The following DOCK1 variants were observed in gnomAD, a reference collection of about 807,000 sequenced individuals.
DOCK1 encodes dedicator of cytokinesis protein 1.
A neutral mutation model predicts 262.7 loss-of-function variants in DOCK1; 138 were observed. The observed-to-expected ratio is 0.53, with a 90% CI of 0.46 to 0.61. DOCK1 has a LOEUF of 0.61. Ranked by LOEUF, DOCK1 falls within the 20% of genes least tolerant of loss-of-function variation. The pLI, the probability that DOCK1 is intolerant of heterozygous loss-of-function variation, is 0.00. For synonymous variants in DOCK1, 866 were observed against 867.4 expected, an observed-to-expected ratio of 1.00 and a Z score of 0.03; for missense variants, 1,908 against 2,370.7, an observed-to-expected ratio of 0.80 and a Z score of 4.05.
chr10:127,412,083 C>G (rs990549068), intron 43 of DOCK1, among the ~76,000 whole-genome samples: 1 of 151,928 alleles, frequency 6.6e-6, no homozygotes, highest in Non-Finnish European at 1.5e-5. Context: ...CTGCCTCACC[C>G]TCCCAAGTAG....
chr10:127,384,424 A>C (rs576845774), intron 37 of DOCK1, among the ~76,000 whole-genome samples: 37 of 152,218 alleles, frequency 2.4e-4, no homozygotes, highest in African/African-American at 8.4e-4. Flanking sequence ...TAAAATGCCA[A>C]CCCACGCAGC....
chr10:127,350,242 A>C (rs745660194), intron 31 of DOCK1, among the ~76,000 whole-genome samples: 1 of 142,784 alleles, frequency 7.0e-6, no homozygotes, highest in African/African-American at 2.7e-5. Flanking sequence ...AACTTAAAAA[A>C]AAAGTGGCGG....
At chr10:127,223,212 A>T (rs1056844094) in intron 27 of DOCK1, among the ~76,000 whole-genome samples, 1 of 152,212 alleles carries the variant, frequency 6.6e-6, no homozygotes, top group African/African-American at 2.4e-5. Flanking sequence ...GAACAACATA[A>T]ATCAGCAACT....
chr10:127,158,788 C>T (rs540600924), intron 27 of DOCK1, among the ~76,000 whole-genome samples: 10 of 152,282 alleles, frequency 6.6e-5, no homozygotes, highest in South Asian at 2.1e-4. Flanking sequence ...CACTATGTAT[C>T]GTCCCATGGC....
chr10:126,916,661 C>T (rs1214458991), intron 1 of DOCK1, among the ~76,000 whole-genome samples: 1 of 151,976 alleles, frequency 6.6e-6, no homozygotes, highest in Non-Finnish European at 1.5e-5. Flanking sequence ...TCCTTCTGTC[C>T]TTTCTTCCTC....
intron 29 of DOCK1, among the ~76,000 whole-genome samples, chr10:127,260,993 A>ATG (rs1191654704): frequency 3.3e-5 from 1 of 30,056 alleles, no homozygotes; most frequent in Non-Finnish European, 6.5e-5. Context: ...ACCCGTGCTC[A>ATG]TGTGTGTGTA....
chr10:127,063,845 G>T (rs1177670753), intron 23 of DOCK1, among the ~76,000 whole-genome samples: 1 of 152,198 alleles, frequency 6.6e-6, no homozygotes, highest in African/African-American at 2.4e-5. Flanking sequence ...TTCAGTGGGT[G>T]TTTTATTATA....
At chr10:127,436,362 A>G (rs1239459011) in intron 48 of DOCK1, among the ~76,000 whole-genome samples, 4 of 152,250 alleles carry the variant, frequency 2.6e-5, no homozygotes, top group Middle Eastern at 3.4e-3. Context: ...ACAAAAAAAT[A>G]TAAAAATTAG....
intron 27 of DOCK1, among the ~76,000 whole-genome samples, chr10:127,178,503 A>G (rs2055397300): frequency 6.6e-6 from 1 of 152,188 alleles, no homozygotes; most frequent in South Asian, 2.1e-4. Flanking sequence ...CCATTACCAG[A>G]TGAGCCTGGG....
intron 27 of DOCK1, among the ~76,000 whole-genome samples, chr10:127,208,895 A>G (rs12255713): frequency 0.13 from 20,240 of 152,208 alleles, 1,489 homozygotes; most frequent in African/African-American, 0.18. Flanking sequence ...CCTGTCATTA[A>G]GACTGTGGAG....
chr10:127,145,954 G>T, intron 27 of DOCK1: 1 of 511,786 alleles, frequency 2.0e-6, no homozygotes. Flanking sequence ...CTTTCAAGAC[G>T]CCTATCTGTG....
rs2044613284 is a variant in DOCK1, at chr10:127,050,035, G to A, written c.2202-2646G>A. Among the ~76,000 whole-genome samples the A allele has an allele frequency of 3.0e-5, 4 of 131,672 alleles. 1 individual carries two copies. In the South Asian group the frequency reaches 9.5e-4, roughly 31 times the overall value. The allele number at this position is 131,672 out of a possible 152,430, so 86.4% of individuals were successfully genotyped here. ...TGCCCACCTAGTGTATTGAACTGCT[G>A]TGCAGTATTTCATTGTAGGGATGTA... On this transcript the variant is annotated intron_variant, in intron 21 of 51. Coordinates refer to ENST00000623213, the MANE Select transcript of DOCK1 (RefSeq NM_001290223.2).
rs2040488229 is a variant in DOCK1, at chr10:127,000,213, T to C, written c.891T>C (p.Phe297=). 1 of 1,613,946 alleles carries C rather than the reference T, an allele frequency of 6.2e-7. No homozygotes were observed. The highest frequency in any genetic ancestry group is 8.5e-7 in the Non-Finnish European group (1 of 1,179,914). The change falls in exon 10 of 52, where the codon TTT becomes TTC. Residue 297 remains phenylalanine, a synonymous_variant. Transcript: ENST00000623213. The part of the protein sequence containing the change: ...SKDLKREKIS[F]VCQIVRVGRM... ...ACCTGAAAAGGGAGAAAATCAGTTT[T>C]GTCTGTCAGATTGTTCGCGTGGGTC...
rs1208222231 is a variant in DOCK1, at chr10:127,175,830, C to T, written c.2847+48066C>T. On this transcript the variant is annotated intron_variant, in intron 27 of 51. Coordinates refer to ENST00000623213, the MANE Select transcript of DOCK1 (RefSeq NM_001290223.2). This position sits in a 1 kb window ranked among gnomAD's most constrained non-coding sequence, Gnocchi z 6.3. ...TTTACAGGGCTCTGTGCAGTTGACC[C>T]CCAAAGGCTGGTCCACTGTGTTCAT... is the stretch of plus-strand genomic sequence containing the variant. The T allele has an allele frequency of 1.4e-5, 22 of 1,614,118 alleles. No homozygotes were observed. Among genetic ancestry groups the T allele is most frequent in the Non-Finnish European group, 1.9e-5 (22 of 1,180,030 alleles).
chr10:127,238,308 G>A (rs2134659862), intron 27 of DOCK1, among the ~76,000 whole-genome samples: 1 of 152,254 alleles, frequency 6.6e-6, no homozygotes, highest in Non-Finnish European at 1.5e-5. Flanking sequence ...TGTGTGCTTA[G>A]CATTCTACCT....
chr10:127,123,592 C>A (rs1053613566), intron 25 of DOCK1, among the ~76,000 whole-genome samples: 1 of 152,100 alleles, frequency 6.6e-6, no homozygotes, highest in Non-Finnish European at 1.5e-5. Flanking sequence ...TTGTAAACAT[C>A]GAGGTTCTAT....
Position 127,018,762 on chromosome 10 carries a change from A to G in DOCK1, c.1254A>G (p.Lys418=). 1.2e-6 allele frequency: 2 copies of G among 1,614,002 alleles called. No individual in the cohort carries two copies. The highest frequency in any genetic ancestry group is 1.1e-5 in the South Asian group (1 of 91,078). ...CTGGAGATATCCATCAGATCCGAAA[A>G]GAGTTTCCGCATTTAGTGGACAGGA... ...LLPGDIHQIR[K]EFPHLVDRTT... is the part of the protein sequence containing the mutation. Residue 418 remains lysine (K), a synonymous_variant, in exon 13 of 52, where the codon AAA becomes AAG. Transcript: ENST00000623213.
intron 47 of DOCK1, among the ~76,000 whole-genome samples, chr10:127,432,015 G>A (rs2069324992): frequency 6.6e-6 from 1 of 152,140 alleles, no homozygotes; most frequent in South Asian, 2.1e-4. Context: ...ATTGTAAACT[G>A]TGCATGTGAG....
intron 27 of DOCK1, among the ~76,000 whole-genome samples, chr10:127,182,881 C>T (rs569635059): frequency 6.6e-5 from 10 of 152,194 alleles, no homozygotes; most frequent in African/African-American, 2.2e-4. Flanking sequence ...CCCACTGACC[C>T]TGGAGGCTTC....
Sources: gnomAD v4.1 joint callset for allele counts (sites outside exome capture counted in the v4.1 genomes callset) on GRCh38, gnomAD v4.1.1 for gene constraint, Gnocchi (gnomAD v3.1) non-coding constraint, MANE v1.5 for transcripts, NCBI Gene and HGNC (gene_info 2026-07-23, HGNC 2026-07-21) for gene names.